TBX20: variants seen among roughly 807,000 people sequenced by gnomAD.
TBX20 encodes the protein T-box transcription factor TBX20.
TBX20 carries 8 observed loss-of-function variants against 42.9 expected under a neutral mutation model. The ratio of observed to expected loss-of-function variants is 0.19; its 90% confidence interval spans 0.11 to 0.34. The LOEUF (loss-of-function observed/expected upper bound fraction) is 0.34. TBX20 is among the 10% of genes least tolerant of loss of function. The probability of loss-of-function intolerance (pLI) is 1.00; values close to 1 mark genes in which losing one functional copy is unlikely to be tolerated. For synonymous variants in TBX20, 198 were observed against 222.8 expected (o/e 0.89, Z 0.99); for missense variants, 411 against 566.0 (o/e 0.73, Z 2.78).
intron 7 of TBX20, among the ~76,000 whole-genome samples, chr7:35,203,673 G>C (rs936036062): frequency 1.3e-5 from 2 of 152,222 alleles, no homozygotes; most frequent in African/African-American, 4.8e-5. Flanking sequence ...TTTAGGAAGT[G>C]AAAAGTTATA....
Position 35,241,040 on chromosome 7 carries a change from A to G in TBX20, c.655-3T>C. The G allele has an allele frequency of 2.5e-6, 4 of 1,613,750 alleles. No homozygotes were observed. The highest frequency in any genetic ancestry group is 3.4e-6 in the Non-Finnish European group (4 of 1,179,678). The stretch of plus-strand genomic sequence containing the variant: ...TTATGCATTGAGTTCAAAATTATCT[A>G]CAACAAAAAGATGGGAAGTACTGAA... On this transcript the variant is annotated splice_region_variant and splice_polypyrimidine_tract_variant and intron_variant, in intron 4 of 7. Transcript: ENST00000408931.
intron 1 of TBX20, among the ~76,000 whole-genome samples, chr7:35,252,953 AATG>A (rs2128716538): frequency 6.6e-6 from 1 of 152,378 alleles, no homozygotes; most frequent in Non-Finnish European, 1.5e-5. Flanking sequence ...ACAGTTATAA[AATG>A]ATGTCTTGGT....
chr7:35,222,645 T>C (rs1408811973), intron 6 of TBX20, among the ~76,000 whole-genome samples: 1 of 152,132 alleles, frequency 6.6e-6, no homozygotes, highest in Non-Finnish European at 1.5e-5. Context: ...CACAAAGGCT[T>C]TGACCATTGT....
chr7:35,204,673 A>G, intron 6 of TBX20, 91 bp from the exon 7 acceptor site: 2 of 959,162 alleles, frequency 2.1e-6, no homozygotes, highest in Non-Finnish European at 3.3e-6. Context: ...AATCAGTAAA[A>G]CCATTTTCTC....
chr7:35,226,692 A>G (rs981893300), intron 6 of TBX20, among the ~76,000 whole-genome samples: 2 of 152,192 alleles, frequency 1.3e-5, no homozygotes, highest in Non-Finnish European at 2.9e-5. Context: ...AAAAATGTCT[A>G]TCACCTAGTG....
At chr7:35,221,941 C>T (rs1213462850) in intron 6 of TBX20, among the ~76,000 whole-genome samples, 5 of 152,084 alleles carry the variant, frequency 3.3e-5, no homozygotes, top group Non-Finnish European at 5.9e-5. Flanking sequence ...ATTATTTAAA[C>T]AAAAATTACT....
In TBX20 at chr7:35,235,727, C is replaced by A. The variant is rs568918007; in HGVS notation, c.814-4147G>T. Among the ~76,000 whole-genome samples, 5 of 152,236 alleles carry A rather than the reference C, an allele frequency of 3.3e-5. No individual in the cohort carries two copies. The South Asian group carries it at 8.3e-4, about 25-fold the overall frequency. The stretch of plus-strand genomic sequence containing the variant: ...GCAATTCCTAACCAAAATGTTCACT[C>A]TTTTGGCATCTCTATTATCTTTAAG... On this transcript the variant is annotated intron_variant, in intron 5 of 7. Transcript: ENST00000408931.
intron 6 of TBX20, among the ~76,000 whole-genome samples, chr7:35,222,107 G>C (rs747069638): frequency 6.6e-6 from 1 of 152,102 alleles, no homozygotes; most frequent in Non-Finnish European, 1.5e-5. Flanking sequence ...TTAGAGAAAA[G>C]ATTTTGGTTT....
chr7:35,205,888 C>T (rs181396715), intron 6 of TBX20, among the ~76,000 whole-genome samples: 3 of 152,300 alleles, frequency 2.0e-5, no homozygotes, highest in African/African-American at 7.2e-5. Context: ...ACTGCATTAA[C>T]ACATAGGTGT....
At chr7:35,230,630 T>G (rs1404904367) in intron 6 of TBX20, among the ~76,000 whole-genome samples, 1 of 152,120 alleles carries the variant, frequency 6.6e-6, no homozygotes, top group Non-Finnish European at 1.5e-5. Flanking sequence ...TAGACAGAAG[T>G]GCTGAGGTCA....
At position 35,210,205 on chromosome 7, in the gene TBX20, C is replaced by T. The variant is rs1460625260; in HGVS notation, c.891-5623G>A. ...TCTCAGCTCACTGCAAGCTCTGCCT[C>T]CCGGGTTCAAGTGATTCTCGTGCCT... On this transcript the variant is annotated intron_variant, in intron 6 of 7. Transcript: ENST00000408931. 2.0e-5 allele frequency among the ~76,000 whole-genome samples: 3 copies of T among 151,424 alleles called. No individual in the cohort carries two copies. In the East Asian group the frequency reaches 5.8e-4, roughly 29 times the overall value.
rs955182408 is a variant in TBX20 at position 35,227,332 on chromosome 7, G to C, written c.890+4172C>G. Among the ~76,000 whole-genome samples the C allele has an allele frequency of 2.0e-5, 3 of 152,094 alleles. No homozygotes were observed. In the East Asian group the frequency reaches 5.8e-4, roughly 29 times the overall value. On this transcript the variant is annotated intron_variant, in intron 6 of 7. Coordinates refer to ENST00000408931, the MANE Select transcript of TBX20 (RefSeq NM_001077653.2). Reference sequence around the variant, plus strand: ...GTGTACAGTGTTTATAAAGTCTACAGTAGTGTACAGTAATGTCCTAGGCCT... The same window carrying C: ...GTGTACAGTGTTTATAAAGTCTACACTAGTGTACAGTAATGTCCTAGGCCT...
intron 6 of TBX20, among the ~76,000 whole-genome samples, chr7:35,208,619 G>A (rs1489225398): frequency 6.6e-6 from 1 of 151,968 alleles, no homozygotes; most frequent in African/African-American, 2.4e-5. Context: ...GCCCATGCCT[G>A]TAATCCCCGC....
At chr7:35,210,573 T>C (rs1250349435) in intron 6 of TBX20, among the ~76,000 whole-genome samples, 1 of 152,198 alleles carries the variant, frequency 6.6e-6, no homozygotes, top group African/African-American at 2.4e-5. Flanking sequence ...TTTGTCTGTT[T>C]TTTTATACTT....
intron 6 of TBX20, among the ~76,000 whole-genome samples, chr7:35,227,711 C>G (rs894620538): frequency 6.6e-6 from 1 of 152,106 alleles, no homozygotes; most frequent in African/African-American, 2.4e-5. Flanking sequence ...TGTTAAGTGA[C>G]TCATGACTAT....
At chr7:35,206,671 A>G (rs1401552449) in intron 6 of TBX20, among the ~76,000 whole-genome samples, 9 of 152,300 alleles carry the variant, frequency 5.9e-5, no homozygotes, top group African/African-American at 2.2e-4. Context: ...TAGCTTCCTC[A>G]AGCTCCTATG....
At chr7:35,232,336 A>T (rs984376716) in intron 5 of TBX20, among the ~76,000 whole-genome samples, 15 of 152,242 alleles carry the variant, frequency 9.9e-5, no homozygotes, top group Non-Finnish European at 2.1e-4. Context: ...GTGTAGAAAG[A>T]TCCATGAAAT....
intron 6 of TBX20, among the ~76,000 whole-genome samples, chr7:35,222,492 C>A (rs992562278): frequency 6.6e-6 from 1 of 152,080 alleles, no homozygotes; most frequent in Non-Finnish European, 1.5e-5. Context: ...AAAATAAAGA[C>A]CCTTAGATAA....
chr7:35,253,309 T>C (rs1203934169), intron 1 of TBX20, among the ~76,000 whole-genome samples, 185 bp downstream of exon 1: 2 of 152,192 alleles, frequency 1.3e-5, no homozygotes, highest in Non-Finnish European at 1.5e-5. Context: ...AGATGCACAT[T>C]CACAGCATTC....
Sources: gnomAD v4.1 joint callset for allele counts (sites outside exome capture counted in the v4.1 genomes callset) on GRCh38, gnomAD v4.1.1 for gene constraint, MANE v1.5 for transcripts, NCBI Gene and HGNC (gene_info 2026-07-23, HGNC 2026-07-21) for gene names.